The following DMXL1 variants were observed in gnomAD, a reference collection of about 807,000 sequenced individuals.
DMXL1 encodes the protein Dmx like 1, also known as dmX-like protein 1.
DMXL1 carries 99 observed loss-of-function variants against 319.2 expected under a neutral mutation model. The ratio of observed to expected loss-of-function variants is 0.31; its 90% CI spans 0.26 to 0.37. The LOEUF is 0.37. Among genes scored for constraint, DMXL1 ranks in the 10% least tolerant of loss-of-function variants. The probability of loss-of-function intolerance (pLI) is 1.00; values close to 1 mark genes in which losing one functional copy is unlikely to be tolerated. For synonymous variants in DMXL1, 1,385 were observed against 1,235.2 expected (o/e 1.12, Z -2.54); for missense variants, 3,745 against 3,595.6 (o/e 1.04, Z -1.06).
At chr5:119,230,466 A>G (rs77612904) in intron 38 of DMXL1, among the ~76,000 whole-genome samples, 5,372 of 152,362 alleles carry the variant, frequency 0.035, 284 homozygotes, top group East Asian at 0.14. Flanking sequence ...ATAGAAAAAT[A>G]TTACATATAT....
At chr5:119,201,948 A>T (rs1234416354) in intron 32 of DMXL1, among the ~76,000 whole-genome samples, 3 of 151,574 alleles carry the variant, frequency 2.0e-5, no homozygotes, top group Non-Finnish European at 4.4e-5. Context: ...GTTTATTTGT[A>T]TCTTCTCTCT....
chr5:119,098,280 C>T (rs1226803086), intron 2 of DMXL1, among the ~76,000 whole-genome samples, 176 bp downstream of exon 2: 3 of 152,052 alleles, frequency 2.0e-5, no homozygotes, highest in Non-Finnish European at 4.4e-5. Flanking sequence ...AAATTCTCTT[C>T]TTATATAATT....
chr5:119,207,559 C>T (rs914403453), intron 34 of DMXL1, among the ~76,000 whole-genome samples: 1 of 152,140 alleles, frequency 6.6e-6, no homozygotes, highest in African/African-American at 2.4e-5. Context: ...CGCTCTTTTG[C>T]CCAGGCTGGA....
chr5:119,128,858 G>A (rs1371887906), intron 9 of DMXL1, among the ~76,000 whole-genome samples: 2 of 152,180 alleles, frequency 1.3e-5, no homozygotes, highest in Non-Finnish European at 2.9e-5. Context: ...GAGGTTGGGA[G>A]ATCGAGACCA....
chr5:119,131,846 G>A (rs1764965489), intron 10 of DMXL1, among the ~76,000 whole-genome samples: 2 of 152,074 alleles, frequency 1.3e-5, no homozygotes, highest in South Asian at 4.2e-4. Flanking sequence ...TATGAAAACT[G>A]TTATGTTTTT....
rs190143001 is a variant in DMXL1, at chr5:119,082,056, C to T, written c.87+10400C>T. ...ACACACACACACACACACACACACA[C>T]ATACACGTATATACATGTTCTTAGA... On this transcript the variant is annotated intron_variant, in intron 1 of 43. Transcript: ENST00000539542. Among the ~76,000 whole-genome samples the T allele has an allele frequency of 7.3e-3, 1,058 of 145,052 alleles. 13 individuals are homozygous for T. The highest frequency in any genetic ancestry group is 0.019 in the African/African-American group (778 of 40,210).
chr5:119,094,296 C>T (rs112970951), intron 1 of DMXL1, among the ~76,000 whole-genome samples: 47 of 152,288 alleles, frequency 3.1e-4, no homozygotes, highest in African/African-American at 1.0e-3. Context: ...TTTATCATGC[C>T]GAGAATCCTA....
At chr5:119,177,228 CATT>C (rs779550505) in intron 26 of DMXL1, 126 bp from the exon 27 acceptor site, 11 of 539,592 alleles carry the variant, frequency 2.0e-5, no homozygotes, top group South Asian at 3.5e-5. Context: ...CTAGACTGTA[CATT>C]ATATTACTTA....
At position 119,149,147 on chromosome 5, in the gene DMXL1, A is replaced by G. The variant is rs1466214868; in HGVS notation, c.3320A>G (p.Asp1107Gly). The G allele has an allele frequency of 1.2e-6, 2 of 1,613,778 alleles. No homozygotes were observed. Among genetic ancestry groups the G allele is most frequent in the Non-Finnish European group, 8.5e-7 (1 of 1,179,862 alleles). Residue 1107 changes from aspartate to glycine, a missense_variant, in exon 18 of 44, where the codon GAT becomes GGT. By Grantham distance (94) the Asp-to-Gly change is moderately conservative (BLOSUM62 -1). Transcript: ENST00000539542. ...IHLDELSTVL[D>G]SGISVDSNLV... ...TTAGATGAGTTAAGCACAGTATTGGATTCTGGCATTAGTGTTGATAGCAAT... is the reference window on the plus strand; with the variant it reads ...TTAGATGAGTTAAGCACAGTATTGGGTTCTGGCATTAGTGTTGATAGCAAT...
intron 4 of DMXL1, among the ~76,000 whole-genome samples, chr5:119,106,158 G>A (rs1028638333): frequency 1.3e-5 from 2 of 152,126 alleles, no homozygotes; most frequent in Admixed American, 1.3e-4. Context: ...CTATCTACTG[G>A]AATGCCTTTG....
rs1332587660 is a variant in DMXL1 at position 119,144,541 on chromosome 5, C to T, written c.2472C>T (p.Gly824=). Residue 824 remains glycine, a synonymous_variant, in exon 15 of 44, where the codon GGC becomes GGT. Coordinates refer to ENST00000539542, the MANE Select transcript of DMXL1 (RefSeq NM_001290321.3). Reference sequence around the variant, plus strand: ...TGATATTTATTTATATTCAGCATGGCAGAAAAACCCAACTGCTTCATGTTT... The same window carrying T: ...TGATATTTATTTATATTCAGCATGGTAGAAAAACCCAACTGCTTCATGTTT... The part of the protein sequence containing the change: ...IALDPITKLH[G]RKTQLLHVFE... 1 of 1,597,864 alleles carries T rather than the reference C, an allele frequency of 6.3e-7. No homozygotes were observed. Among genetic ancestry groups the T allele is most frequent in the Non-Finnish European group, 8.5e-7 (1 of 1,173,614 alleles).
At chr5:119,194,900 A>G (rs1013244216) in intron 30 of DMXL1, among the ~76,000 whole-genome samples, 1 of 152,164 alleles carries the variant, frequency 6.6e-6, no homozygotes, top group African/African-American at 2.4e-5. Flanking sequence ...ATTTCTAAAA[A>G]AAAAAATTTT....
In DMXL1 at chr5:119,133,375, G is replaced by A. The variant is rs753048695; in HGVS notation, c.1559G>A (p.Arg520His). 2.5e-5 allele frequency: 41 copies of A among 1,611,646 alleles called. No individual in the cohort carries two copies. Among genetic ancestry groups the A allele is most frequent in the Non-Finnish European group, 3.1e-5 (37 of 1,178,154 alleles). ...GATGAATACCAGCCTGGTATGTTTC[G>A]TCAAGTACAGGTACTACTGTTATTT... ...WLDEYQPGMF[R>H]QVQVSFVSRI... The change falls in exon 11 of 44, where the codon CGT (arginine) becomes CAT (histidine). Residue 520 changes from arginine (R) to histidine (H), a missense_variant. Arg to His is a conservative substitution (Grantham distance 29). Coordinates refer to ENST00000539542, the MANE Select transcript of DMXL1 (RefSeq NM_001290321.3).
At chr5:119,168,274 A>G (rs189181164) in intron 23 of DMXL1, among the ~76,000 whole-genome samples, 1 of 152,218 alleles carries the variant, frequency 6.6e-6, no homozygotes, top group Non-Finnish European at 1.5e-5. Context: ...CTTTAGCTAG[A>G]TGAACTTTTG....
chr5:119,176,072 A>G (rs1775744789), intron 26 of DMXL1, among the ~76,000 whole-genome samples: 1 of 152,012 alleles, frequency 6.6e-6, no homozygotes, highest in South Asian at 2.1e-4. Flanking sequence ...GAGAAATTCT[A>G]GCTTCATTTT....
In DMXL1 at chr5:119,143,829, T is replaced by TA. The variant is rs762322698; in HGVS notation, c.2377-4dup. On this transcript the variant is annotated splice_polypyrimidine_tract_variant and intron_variant, in intron 13 of 43. Coordinates refer to ENST00000539542, the MANE Select transcript of DMXL1 (RefSeq NM_001290321.3). ...TTGTTTAGTAAATTATAAATTTTTT[T>TA]AAAAAAAACAGAAATATGTTGGTGA... The TA allele has an allele frequency of 1.7e-4, 262 of 1,535,950 alleles. No individual in the cohort carries two copies. The highest frequency in any genetic ancestry group is 2.2e-4 in the South Asian group (17 of 78,690).
At chr5:119,219,692 C>A (rs1271652334) in intron 35 of DMXL1, among the ~76,000 whole-genome samples, 1 of 151,994 alleles carries the variant, frequency 6.6e-6, no homozygotes, top group African/African-American at 2.4e-5. Context: ...CTCATTCTCC[C>A]AAGTAGCTGG....
At chr5:119,181,598 G>A (rs1420998862) in intron 28 of DMXL1, among the ~76,000 whole-genome samples, 1 of 152,210 alleles carries the variant, frequency 6.6e-6, no homozygotes, top group Admixed American at 6.5e-5. Flanking sequence ...TAGGTGGGCA[G>A]ATCACCTGAG....
chr5:119,164,595 T>C lies in DMXL1; in HGVS notation c.4791T>C (p.Asp1597=). The change falls in exon 20 of 44, where the codon GAT becomes GAC. Residue 1597 remains aspartate (D), a synonymous_variant. Coordinates refer to ENST00000539542, the MANE Select transcript of DMXL1 (RefSeq NM_001290321.3). ...TGTTGCCAGCCATGCAGAAAGATGA[T>C]CCCACTTGGTCTGAACTAAGAGCTA... The part of the protein sequence containing the change: ...LNMLPAMQKD[D]PTWSELRAMG... 1.2e-6 allele frequency: 2 copies of C among 1,614,164 alleles called. No individual in the cohort carries two copies. The highest frequency in any genetic ancestry group is 1.7e-6 in the Non-Finnish European group (2 of 1,180,012).
Sources: allele counts gnomAD v4.1 joint callset (sites outside exome capture counted in the v4.1 genomes callset), GRCh38; gene constraint gnomAD v4.1.1; transcripts MANE v1.5; gene names NCBI Gene and HGNC (gene_info 2026-07-23, HGNC 2026-07-21).